Variants in STK31 observed in about 807,000 individuals in gnomAD.
The protein encoded by STK31 is serine/threonine-protein kinase 31.
A neutral mutation model predicts 129.7 loss-of-function variants in STK31; 89 were observed. The observed-to-expected ratio is 0.69, with a 90% CI of 0.58 to 0.82. STK31 has a LOEUF of 0.82. STK31 is among the 40% of genes least tolerant of loss of function. The pLI is 0.00. For missense variants in STK31, 1,187 were observed against 1,176.4 expected, an observed-to-expected ratio of 1.01 and a Z score of -0.13; for synonymous variants, 448 against 395.3, an observed-to-expected ratio of 1.13 and a Z score of -1.58.
intron 15 of STK31, among the ~76,000 whole-genome samples, chr7:23,780,786 T>G (rs1790876068): frequency 6.6e-6 from 1 of 152,204 alleles, no homozygotes; most frequent in Non-Finnish European, 1.5e-5. Flanking sequence ...CTGAGACCCA[T>G]AAGGAATTTC....
chr7:23,757,489 CTG>C (rs1789166829), intron 10 of STK31, among the ~76,000 whole-genome samples: 1 of 152,076 alleles, frequency 6.6e-6, no homozygotes, highest in African/African-American at 2.4e-5. Context: ...ACAAATGTCT[CTG>C]TGTCATAAAC....
intron 1 of STK31, 141 bp downstream of exon 1, chr7:23,710,476 G>C: frequency 1.3e-6 from 2 of 1,527,864 alleles, no homozygotes; most frequent in South Asian, 1.3e-5. Flanking sequence ...CGCCACCCCA[G>C]AGGGGTGCCA....
At chr7:23,711,955 A>C in intron 1 of STK31, 144 bp from the exon 2 acceptor site, 2 of 644,200 alleles carry the variant, frequency 3.1e-6, no homozygotes, top group Non-Finnish European at 5.2e-6. Flanking sequence ...TGAAGGAAAT[A>C]TTGAGCTCAT....
intron 18 of STK31, among the ~76,000 whole-genome samples, chr7:23,786,128 T>C (rs969623195): frequency 5.3e-5 from 8 of 152,110 alleles, no homozygotes; most frequent in Non-Finnish European, 1.0e-4. Flanking sequence ...GTGAACTTAT[T>C]ATAGTCATCC....
At chr7:23,779,308 G>A (rs1370272151) in intron 15 of STK31, among the ~76,000 whole-genome samples, 2 of 152,164 alleles carry the variant, frequency 1.3e-5, no homozygotes, top group Non-Finnish European at 1.5e-5. Flanking sequence ...CAGTCAGGAG[G>A]ATGGGGGTCA....
chr7:23,830,864 C>T (rs553045263), intron 23 of STK31, among the ~76,000 whole-genome samples: 2 of 152,280 alleles, frequency 1.3e-5, no homozygotes, highest in South Asian at 4.1e-4. Flanking sequence ...AAGTGATCCA[C>T]CTGCCTCCAC....
At chr7:23,822,879 G>A (rs561749702) in intron 23 of STK31, among the ~76,000 whole-genome samples, 210 of 152,242 alleles carry the variant, frequency 1.4e-3, no homozygotes, top group African/African-American at 4.8e-3. Context: ...AGTTTGCTGA[G>A]AATGATGGTT....
At chr7:23,822,121 C>T (rs1793820200) in intron 23 of STK31, among the ~76,000 whole-genome samples, 1 of 152,036 alleles carries the variant, frequency 6.6e-6, no homozygotes, top group Non-Finnish European at 1.5e-5. Flanking sequence ...ACTATTTGTG[C>T]TCTTTTTTAG....
At chr7:23,804,371 T>C (rs566566559) in intron 22 of STK31, among the ~76,000 whole-genome samples, 41 of 152,328 alleles carry the variant, frequency 2.7e-4, no homozygotes, top group African/African-American at 9.1e-4. Context: ...GAGTAGCTTA[T>C]CTATCTTGTT....
chr7:23,745,061 A>G (rs951006360), intron 8 of STK31, among the ~76,000 whole-genome samples: 1 of 152,168 alleles, frequency 6.6e-6, no homozygotes, highest in African/African-American at 2.4e-5. Flanking sequence ...CAAGTGGTCT[A>G]CACTGGTGTT....
rs777477592 is a variant in STK31 at position 23,829,327 on chromosome 7, T to C, written c.2830-2809T>C. On this transcript the variant is annotated intron_variant, in intron 23 of 23. Coordinates refer to ENST00000355870, the MANE Select transcript of STK31 (RefSeq NM_031414.5). Reference sequence around the variant, plus strand: ...ATACCTAGTTTGTTGAGAGCTTTTATCATAAAGGGATGTTTTAATCTATGA... The same window carrying C: ...ATACCTAGTTTGTTGAGAGCTTTTACCATAAAGGGATGTTTTAATCTATGA... Among the ~76,000 whole-genome samples the C allele has an allele frequency of 2.8e-4, 43 of 152,314 alleles. No homozygotes were observed. The Middle Eastern group carries it at 0.01, about 36-fold the overall frequency.
chr7:23,765,635 C>T (rs962621849), intron 11 of STK31, among the ~76,000 whole-genome samples: 6 of 145,750 alleles, frequency 4.1e-5, no homozygotes, highest in African/African-American at 1.5e-4. Context: ...TGGCTCACTG[C>T]AACTTCTGCC....
chr7:23,822,877 G>A (rs930629944), intron 23 of STK31, among the ~76,000 whole-genome samples: 22 of 152,124 alleles, frequency 1.4e-4, no homozygotes, highest in African/African-American at 5.1e-4. Flanking sequence ...ATAGTTTGCT[G>A]AGAATGATGG....
rs150156062 is a variant in STK31, at chr7:23,754,061, TTA to T, written c.1134-252_1134-251del. On this transcript the variant is annotated intron_variant, in intron 9 of 23. Coordinates refer to ENST00000355870, the MANE Select transcript of STK31 (RefSeq NM_031414.5). The stretch of plus-strand genomic sequence containing the variant: ...AAAATTTTTAATTTTTTCATATTTT[TTA>T]TGTCATGAAATTAGTATATCCACAG... Among the ~76,000 whole-genome samples the T allele has an allele frequency of 3.3e-3, 510 of 152,278 alleles. 3 individuals are homozygous for T. Among genetic ancestry groups the T allele is most frequent in the Middle Eastern group, 0.01 (3 of 294 alleles).
At chr7:23,719,941 T>A (rs146386791) in intron 4 of STK31, among the ~76,000 whole-genome samples, 1 of 152,112 alleles carries the variant, frequency 6.6e-6, no homozygotes, top group Non-Finnish European at 1.5e-5. Flanking sequence ...TACTCTCAAA[T>A]TTTTTCCCTT....
chr7:23,787,068 A>G lies in STK31; in HGVS notation c.2487+144A>G, dbSNP rs1791330791. The G allele has an allele frequency of 9.4e-6, 7 of 743,758 alleles. No homozygotes were observed. The Admixed American group carries it at 1.3e-4, about 14-fold the overall frequency. 46.1% of individuals were successfully genotyped at this position (743,758 alleles called of 1,614,324 possible). ...TTTGTCACCTCAAGCCTGTGATAGAAGTTATCGTGTTATATAGATGAGAAA... is the reference window on the plus strand; with the variant it reads ...TTTGTCACCTCAAGCCTGTGATAGAGGTTATCGTGTTATATAGATGAGAAA... On this transcript the variant is annotated intron_variant, in intron 20 of 23. Transcript: ENST00000355870.
intron 8 of STK31, 30 bp from the exon 9 acceptor site, chr7:23,752,687 T>G (rs1198905519): frequency 5.3e-6 from 8 of 1,511,182 alleles, no homozygotes; most frequent in African/African-American, 1.4e-5. Flanking sequence ...TATTTGGGTC[T>G]CACGAGAATG....
At chr7:23,726,942 G>A (rs1416054494) in intron 4 of STK31, among the ~76,000 whole-genome samples, 1 of 151,962 alleles carries the variant, frequency 6.6e-6, no homozygotes, top group Non-Finnish European at 1.5e-5. Flanking sequence ...TGATGCTTGT[G>A]CCTTAAAAAA....
chr7:23,747,664 G>A (rs1467338330), intron 8 of STK31, among the ~76,000 whole-genome samples: 3 of 152,078 alleles, frequency 2.0e-5, no homozygotes, highest in African/African-American at 7.2e-5. Flanking sequence ...CACCATGCCC[G>A]GCCTGTTCAG....
Sources: gnomAD v4.1 joint callset for allele counts (sites outside exome capture counted in the v4.1 genomes callset) on GRCh38, gnomAD v4.1.1 for gene constraint, MANE v1.5 for transcripts, NCBI Gene and HGNC (gene_info 2026-07-23, HGNC 2026-07-21) for gene names.